Variants in PCDH15 observed in about 807,000 individuals in gnomAD.
PCDH15 encodes protocadherin-15.
PCDH15 carries 129 observed loss-of-function variants against 178.5 expected under a neutral mutation model. That is an observed-to-expected ratio of 0.72 (90% CI 0.63 to 0.84). The LOEUF (loss-of-function observed/expected upper bound fraction) is 0.84. PCDH15 is among the 40% of genes least tolerant of loss of function. The pLI is 0.00. For synonymous variants in PCDH15, 800 were observed against 732.0 expected, an observed-to-expected ratio of 1.09 and a Z score of -1.50; for missense variants, 2,230 against 2,099.9, an observed-to-expected ratio of 1.06 and a Z score of -1.21.
intron 26 of PCDH15, among the ~76,000 whole-genome samples, chr10:53,889,610 A>G (rs534574251): frequency 7.6e-4 from 116 of 152,294 alleles, no homozygotes; most frequent in Non-Finnish European, 2.2e-4. Flanking sequence ...GATATAAATT[A>G]GTAAAACATT....
intron 1 of PCDH15, among the ~76,000 whole-genome samples, chr10:55,271,047 AATACCACATGTTTTCATTC>A (rs1355996083): frequency 6.6e-6 from 1 of 152,052 alleles, no homozygotes; most frequent in Admixed American, 6.6e-5. Context: ...CAGAAAACCA[AATACCACATGTTTTCATTC>A]ATAAGTGGGA....
intron 3 of PCDH15, among the ~76,000 whole-genome samples, chr10:54,501,170 G>A (rs1016747754): frequency 1.5e-4 from 23 of 151,508 alleles, no homozygotes; most frequent in African/African-American, 5.3e-4. Flanking sequence ...CTACCATGGC[G>A]CATGTATACC....
chr10:55,051,779 T>C lies in PCDH15; in HGVS notation c.-80+114797A>G, dbSNP rs117737467. ...ACAGAGCTCAGAATTTTCCTGGAAG[T>C]GTATTCAATTGTTTCTCACACTTGA... On this transcript the variant is annotated intron_variant, in intron 2 of 5. Transcript: ENST00000458638. Among the ~76,000 whole-genome samples the C allele has an allele frequency of 9.2e-3, 1,406 of 152,302 alleles. 3 individuals carry two copies. Among genetic ancestry groups the C allele is most frequent in the Non-Finnish European group, 0.015 (993 of 68,016 alleles).
chr10:55,203,061 A>C (rs1402067305), intron 1 of PCDH15, among the ~76,000 whole-genome samples: 3 of 152,140 alleles, frequency 2.0e-5, no homozygotes, highest in Non-Finnish European at 4.4e-5. Context: ...TTTACAGATA[A>C]AAATCAGTCT....
At chr10:54,421,833 TATATAC>T (rs1243021768) in intron 3 of PCDH15, among the ~76,000 whole-genome samples, 1 of 79,770 alleles carries the variant, frequency 1.3e-5, no homozygotes, top group African/African-American at 5.5e-5. Flanking sequence ...TATATATATA[TATATAC>T]ACACACACTA....
intron 1 of PCDH15, among the ~76,000 whole-genome samples, chr10:55,172,513 A>C (rs1262173838): frequency 1.3e-5 from 2 of 152,000 alleles, no homozygotes; most frequent in Non-Finnish European, 2.9e-5. Flanking sequence ...ATGTGCAATG[A>C]ATGGCCACTT....
intron 2 of PCDH15, among the ~76,000 whole-genome samples, chr10:55,063,353 A>C (rs1289312543): frequency 6.6e-6 from 1 of 152,040 alleles, no homozygotes; most frequent in Non-Finnish European, 1.5e-5. Context: ...CAACATTCCT[A>C]ATCTCTCTAT....
Position 53,805,706 on chromosome 10 carries a change from G to GACTT in PCDH15, c.*869_*872dup, listed in dbSNP as rs1408248826. 1.3e-5 allele frequency: 2 copies of GACTT among 152,036 alleles called. No homozygotes were observed. The highest frequency in any genetic ancestry group is 4.8e-5 in the African/African-American group (2 of 41,412). 9.4% of individuals were successfully genotyped at this position (152,036 alleles called of 1,614,324 possible). ...TTAAAGTCTAGTGACATTAATGTGA[G>GACTT]ACTTCCCTAACCTCACCATGTCTTC... On this transcript the variant is annotated 3_prime_UTR_variant, in exon 38 of 38. Transcript: ENST00000644397.
intron 2 of PCDH15, among the ~76,000 whole-genome samples, chr10:54,544,648 A>G (rs1414883813): frequency 1.3e-5 from 2 of 152,158 alleles, no homozygotes; most frequent in African/African-American, 2.4e-5. Flanking sequence ...AGTTGATAAC[A>G]ACTTCCTTCA....
chr10:54,456,369 CTTTAAAG>C (rs1422077379), intron 3 of PCDH15, among the ~76,000 whole-genome samples: 1 of 152,162 alleles, frequency 6.6e-6, no homozygotes, highest in Non-Finnish European at 1.5e-5. Flanking sequence ...CATTTTGGAA[CTTTAAAG>C]TTTAATGACT....
chr10:54,358,429 T>C (rs575816687), intron 5 of PCDH15, among the ~76,000 whole-genome samples: 29 of 152,204 alleles, frequency 1.9e-4, no homozygotes, highest in Admixed American at 4.6e-4. Flanking sequence ...CATCACTGGC[T>C]ATCAGAGAAA....
At chr10:54,048,623 C>T (rs2093703088) in intron 18 of PCDH15, among the ~76,000 whole-genome samples, 1 of 152,062 alleles carries the variant, frequency 6.6e-6, no homozygotes, top group African/African-American at 2.4e-5. Context: ...TATGGATAGC[C>T]AGTTATCCCA....
At chr10:53,948,791 T>C (rs796619824) in intron 23 of PCDH15, among the ~76,000 whole-genome samples, 24 of 152,320 alleles carry the variant, frequency 1.6e-4, no homozygotes, top group African/African-American at 5.5e-4. Context: ...AAGTTTTTAG[T>C]ATGACTCAGT....
chr10:54,585,099 T>C (rs1175489328), intron 2 of PCDH15, among the ~76,000 whole-genome samples: 2 of 152,158 alleles, frequency 1.3e-5, no homozygotes, highest in African/African-American at 4.8e-5. Context: ...GAAAGTCATT[T>C]TTCAGGGACT....
At chr10:55,098,787 T>C (rs1842504890) in intron 2 of PCDH15, among the ~76,000 whole-genome samples, 1 of 152,006 alleles carries the variant, frequency 6.6e-6, no homozygotes, top group Non-Finnish European at 1.5e-5. Flanking sequence ...TGCGGTGGGC[T>C]GGTTTTTCAC....
intron 1 of PCDH15, among the ~76,000 whole-genome samples, chr10:54,733,027 G>A (rs1943615845): frequency 6.6e-6 from 1 of 151,516 alleles, no homozygotes; most frequent in Non-Finnish European, 1.5e-5. Context: ...ACCTGATAGA[G>A]TTTGTCTACG....
chr10:55,592,499 T>C (rs1842862778), intron 2 of PCDH15, among the ~76,000 whole-genome samples: 1 of 152,168 alleles, frequency 6.6e-6, no homozygotes, highest in Non-Finnish European at 1.5e-5. Flanking sequence ...TATTTACCTC[T>C]CCCCTATAGG....
intron 1 of PCDH15, among the ~76,000 whole-genome samples, chr10:54,770,545 G>C (rs758361777): frequency 6.6e-6 from 1 of 152,092 alleles, no homozygotes; most frequent in Non-Finnish European, 1.5e-5. Context: ...TGAAATGCAG[G>C]CTGTGAGGTG....
At chr10:55,350,268 T>TATACACAC (rs1327352441) in intron 2 of PCDH15, among the ~76,000 whole-genome samples, 3 of 56,770 alleles carry the variant, frequency 5.3e-5, no homozygotes, top group Admixed American at 1.9e-4. Flanking sequence ...TATATATATA[T>TATACACAC]ACACACACAC....
Sources: gnomAD v4.1 joint callset for allele counts (sites outside exome capture counted in the v4.1 genomes callset) on GRCh38, gnomAD v4.1.1 for gene constraint, MANE v1.5 for transcripts, NCBI Gene and HGNC (gene_info 2026-07-23, HGNC 2026-07-21) for gene names.